The following NFIA variants were observed in gnomAD, a reference collection of about 807,000 sequenced individuals.
NFIA encodes nuclear factor 1 A-type.
In NFIA, 8 loss-of-function variants were observed where a neutral mutation model predicts 62.8. That is an observed-to-expected ratio of 0.13 (90% CI 0.07 to 0.23). The LOEUF is 0.23. Among genes scored for constraint, NFIA ranks in the 10% least tolerant of loss-of-function variants. NFIA has a pLI of 1.00. For missense variants in NFIA, 410 were observed against 642.1 expected, an observed-to-expected ratio of 0.64 and a Z score of 3.91; for synonymous variants, 235 against 238.1, an observed-to-expected ratio of 0.99 and a Z score of 0.12.
chr1:61,391,249 G>T (rs1664961365), intron 7 of NFIA, among the ~76,000 whole-genome samples: 1 of 151,970 alleles, frequency 6.6e-6, no homozygotes, highest in African/African-American at 2.4e-5. Context: ...TTTTTGTAGA[G>T]ACAGGGTCTC....
At chr1:61,334,529 GTA>G (rs1285574400) in intron 4 of NFIA, among the ~76,000 whole-genome samples, 430 of 39,834 alleles carry the variant, frequency 0.011, 31 homozygotes, top group Middle Eastern at 0.037. Flanking sequence ...TTGTGTGTGT[GTA>G]TATATGTGTG....
intron 2 of NFIA, among the ~76,000 whole-genome samples, chr1:61,175,361 C>G (rs117761754): frequency 0.018 from 2,738 of 152,224 alleles, 52 homozygotes; most frequent in East Asian, 0.093. Context: ...AGGCTGAGCT[C>G]AAACTCCTGG....
chr1:61,409,178 A>G (rs1457742878), intron 9 of NFIA, among the ~76,000 whole-genome samples: 2 of 152,212 alleles, frequency 1.3e-5, no homozygotes, highest in East Asian at 1.9e-4. Context: ...GTGAGAGAAT[A>G]TCAGGAGAAA....
At chr1:61,191,204 C>G (rs913700066) in intron 2 of NFIA, among the ~76,000 whole-genome samples, 1 of 151,828 alleles carries the variant, frequency 6.6e-6, no homozygotes, top group Admixed American at 6.6e-5. Context: ...GATTTTTTTC[C>G]CCCTTGAGCA....
chr1:61,105,182 A>T (rs1350849843), intron 2 of NFIA, among the ~76,000 whole-genome samples: 1 of 152,002 alleles, frequency 6.6e-6, no homozygotes, highest in Non-Finnish European at 1.5e-5. Context: ...GTCAAGGTCA[A>T]TGTGTGGCCA....
At chr1:61,233,535 C>A (rs977606985) in intron 2 of NFIA, among the ~76,000 whole-genome samples, 2 of 152,192 alleles carry the variant, frequency 1.3e-5, no homozygotes, top group African/African-American at 4.8e-5. Flanking sequence ...AGAGTCTCGT[C>A]ATAGTTGGTG....
At position 61,235,828 on chromosome 1, in the gene NFIA, A is replaced by T. The variant is rs146112346; in HGVS notation, c.560-41692A>T. ...ATCCTGTCTCAAAAAAAAAAAAAAG[A>T]AAAAGAAAAAGAAAGAGACAAAAGG... On this transcript the variant is annotated intron_variant, in intron 2 of 10. Transcript: ENST00000403491. Among the ~76,000 whole-genome samples the T allele has an allele frequency of 6.7e-4, 102 of 151,234 alleles. 1 individual carries two copies. The East Asian group carries it at 0.02, about 29-fold the overall frequency.
intron 3 of NFIA, among the ~76,000 whole-genome samples, chr1:61,315,649 C>G (rs935539105): frequency 1.3e-5 from 2 of 152,158 alleles, no homozygotes; most frequent in African/African-American, 4.8e-5. Flanking sequence ...AGCTGCCCTA[C>G]TTCTGAACAA....
upstream of NFIA, chr1:61,081,635 A>C (rs547742648): frequency 2.6e-6 from 1 of 382,432 alleles, no homozygotes; most frequent in Non-Finnish European, 4.8e-6. Context: ...TCTGTGTTCA[A>C]ACCCACTAGT....
At chr1:61,446,579 CT>C (rs1461098264) in intron 10 of NFIA, among the ~76,000 whole-genome samples, 2 of 152,158 alleles carry the variant, frequency 1.3e-5, no homozygotes, top group African/African-American at 2.4e-5. Context: ...GTGGAAGTGC[CT>C]GCTGGGGTGG....
upstream of NFIA, chr1:61,082,408 T>TGTGCG (rs1646117420): frequency 8.8e-6 from 8 of 906,628 alleles, no homozygotes; most frequent in Non-Finnish European, 1.1e-5. Context: ...GGGCGGCGGC[T>TGTGCG]GTGCGGTGCG....
At chr1:61,422,861 C>T (rs1666696741) in intron 9 of NFIA, among the ~76,000 whole-genome samples, 1 of 152,036 alleles carries the variant, frequency 6.6e-6, no homozygotes, top group Non-Finnish European at 1.5e-5. Flanking sequence ...TCCTAGCATC[C>T]TCAGAGGCCC....
At chr1:61,283,711 T>G (rs559811686) in intron 3 of NFIA, among the ~76,000 whole-genome samples, 3 of 152,082 alleles carry the variant, frequency 2.0e-5, no homozygotes, top group African/African-American at 7.2e-5. Flanking sequence ...GACATTATTC[T>G]CTTTAAAAAT....
chr1:61,385,547 G>A (rs1664636965), intron 7 of NFIA, among the ~76,000 whole-genome samples: 1 of 152,154 alleles, frequency 6.6e-6, no homozygotes, highest in African/African-American at 2.4e-5. Context: ...ATTCCATGAA[G>A]AGCATAATGC....
At chr1:61,173,571 A>G (rs1650117951) in intron 2 of NFIA, among the ~76,000 whole-genome samples, 1 of 151,882 alleles carries the variant, frequency 6.6e-6, no homozygotes, top group Non-Finnish European at 1.5e-5. Flanking sequence ...TTGTATTTTA[A>G]TAGAGATAAG....
At chr1:61,331,463 A>G (rs1034442203) in intron 3 of NFIA, among the ~76,000 whole-genome samples, 2 of 152,208 alleles carry the variant, frequency 1.3e-5, no homozygotes, top group African/African-American at 4.8e-5. Context: ...TTTATTAATA[A>G]CAAATTTTGT....
At chr1:61,338,207 T>G (rs896846734) in intron 4 of NFIA, among the ~76,000 whole-genome samples, 11 of 152,218 alleles carry the variant, frequency 7.2e-5, no homozygotes, top group Non-Finnish European at 1.3e-4. Context: ...AAAACCACTC[T>G]CAGTTACCCG....
At chr1:61,105,434 A>G (rs1646579892) in intron 2 of NFIA, among the ~76,000 whole-genome samples, 1 of 152,006 alleles carries the variant, frequency 6.6e-6, no homozygotes, top group Non-Finnish European at 1.5e-5. Context: ...AAGATGTTTA[A>G]TTAGCAGAAT....
At chr1:61,165,309 GA>G (rs1377928912) in intron 2 of NFIA, among the ~76,000 whole-genome samples, 11 of 152,132 alleles carry the variant, frequency 7.2e-5, no homozygotes, top group Admixed American at 6.5e-4. Flanking sequence ...CTATTAGAAA[GA>G]AATCTCTTTT....
Sources: allele counts gnomAD v4.1 joint callset (sites outside exome capture counted in the v4.1 genomes callset), GRCh38; gene constraint gnomAD v4.1.1; transcripts MANE v1.5; gene names NCBI Gene and HGNC (gene_info 2026-07-23, HGNC 2026-07-21).